The following LPIN2 variants were observed in gnomAD, a reference collection of about 807,000 sequenced individuals.
LPIN2 encodes the protein lipin 2.
Under a neutral mutation model 111.4 loss-of-function variants are expected in LPIN2, and 55 were observed. The ratio of observed to expected loss-of-function variants is 0.49; its 90% CI spans 0.40 to 0.62. The LOEUF (loss-of-function observed/expected upper bound fraction) is 0.62, where lower values mean the gene tolerates loss of function less well. Among genes scored for constraint, LPIN2 ranks in the 20% least tolerant of loss-of-function variants. The probability of loss-of-function intolerance (pLI) is 0.00; values close to 1 mark genes in which losing one functional copy is unlikely to be tolerated. For synonymous variants in LPIN2, 425 were observed against 414.0 expected (o/e 1.03, Z -0.32); for missense variants, 992 against 1,112.1 (o/e 0.89, Z 1.54).
intron 1 of LPIN2, among the ~76,000 whole-genome samples, chr18:2,967,294 CAA>C (rs1326766896): frequency 1.3e-5 from 2 of 151,286 alleles, no homozygotes; most frequent in Non-Finnish European, 2.9e-5. Flanking sequence ...TCCCTGAGGG[CAA>C]AAAAAATCTG....
chr18:2,944,811 A>G (rs148100833), intron 4 of LPIN2, among the ~76,000 whole-genome samples: 3,671 of 152,286 alleles, frequency 0.024, 94 homozygotes, highest in Admixed American at 0.092. Context: ...AATATTCAGG[A>G]AAGAGGTTTT....
intron 1 of LPIN2, among the ~76,000 whole-genome samples, chr18:2,966,697 G>A (rs1294988125): frequency 6.6e-6 from 1 of 152,144 alleles, no homozygotes; most frequent in Non-Finnish European, 1.5e-5. Context: ...ACTTAAAGAT[G>A]AAATGATTAC....
intron 1 of LPIN2, among the ~76,000 whole-genome samples, chr18:3,010,236 G>A (rs1250760668): frequency 2.0e-5 from 3 of 148,484 alleles, no homozygotes; most frequent in East Asian, 4.1e-4. Context: ...CAGGGGAGGT[G>A]GATTCCAAAA....
At chr18:2,938,954 G>A (rs79133417) in intron 6 of LPIN2, among the ~76,000 whole-genome samples, 3,310 of 152,306 alleles carry the variant, frequency 0.022, 125 homozygotes, top group African/African-American at 0.075. Flanking sequence ...AGGAGTTTGC[G>A]ATCAGGCCAA....
chr18:2,949,541 C>T (rs185074492), intron 4 of LPIN2, among the ~76,000 whole-genome samples: 2 of 151,876 alleles, frequency 1.3e-5, no homozygotes, highest in South Asian at 2.1e-4. Flanking sequence ...ACATATTCAG[C>T]GTGGGAGGAG....
At chr18:2,976,345 T>C (rs1357013115) in intron 1 of LPIN2, among the ~76,000 whole-genome samples, 1 of 152,130 alleles carries the variant, frequency 6.6e-6, no homozygotes, top group East Asian at 1.9e-4. Flanking sequence ...AGCTACTAAA[T>C]TAACAAGCAC....
intron 1 of LPIN2, among the ~76,000 whole-genome samples, chr18:3,007,978 A>G (rs936415755): frequency 3.3e-5 from 5 of 152,236 alleles, no homozygotes; most frequent in African/African-American, 1.2e-4. Context: ...GTCATATCAT[A>G]ATGCACTGAA....
At chr18:2,953,334 T>C (rs2077565330) in intron 3 of LPIN2, among the ~76,000 whole-genome samples, 1 of 152,118 alleles carries the variant, frequency 6.6e-6, no homozygotes, top group African/African-American at 2.4e-5. Context: ...TAAATAATTT[T>C]AAGAAACATA....
chr18:2,921,591 T>C lies in LPIN2; in HGVS notation c.2384A>G (p.Lys795Arg). 1 of 1,614,206 alleles carries C rather than the reference T, an allele frequency of 6.2e-7. No homozygotes were observed. The highest frequency in any genetic ancestry group is 8.5e-7 in the Non-Finnish European group (1 of 1,180,030). The change falls in exon 18 of 20, where the codon AAG becomes AGG. Residue 795 changes from lysine (K) to arginine (R), a missense_variant. Lys to Arg is a conservative substitution (Grantham distance 26). Coordinates refer to ENST00000677752, the MANE Select transcript of LPIN2 (RefSeq NM_001375808.2). ...KFKIECLNDI[K>R]NLFAPSKQPF... Reference sequence around the variant, plus strand: ...CTGCTTAGACGGGGCAAACAGATTCTTGATATCATTTAGACACTCAATTTT... The same window carrying C: ...CTGCTTAGACGGGGCAAACAGATTCCTGATATCATTTAGACACTCAATTTT...
chr18:3,007,345 G>C (rs1293010110), intron 1 of LPIN2, among the ~76,000 whole-genome samples: 1 of 152,106 alleles, frequency 6.6e-6, no homozygotes, highest in Non-Finnish European at 1.5e-5. Context: ...CTAATTTTTT[G>C]TATTTTTAGT....
intron 2 of LPIN2, among the ~76,000 whole-genome samples, chr18:2,956,531 G>T (rs1223290864): frequency 6.6e-6 from 1 of 152,174 alleles, no homozygotes; most frequent in African/African-American, 2.4e-5. Context: ...GCTTCTTCTG[G>T]AACACCTTCT....
At chr18:2,998,810 A>G (rs2078384675) in intron 1 of LPIN2, among the ~76,000 whole-genome samples, 1 of 152,204 alleles carries the variant, frequency 6.6e-6, no homozygotes, top group South Asian at 2.1e-4. Context: ...CAGGATATAG[A>G]TACGGTTTAC....
chr18:2,952,836 G>A (rs1005811191), intron 3 of LPIN2, among the ~76,000 whole-genome samples: 1 of 152,160 alleles, frequency 6.6e-6, no homozygotes, highest in African/African-American at 2.4e-5. Context: ...ACAAACTATG[G>A]TATGTCCATA....
rs1232642116 is a variant in LPIN2 at position 2,937,834 on chromosome 18, C to A, written c.1026G>T (p.Val342=). The change falls in exon 7 of 20, where the codon GTG becomes GTT. Residue 342 remains valine (V), a synonymous_variant. Transcript: ENST00000677752. ...CAAGAGGAGGTTCGAGAAGCTCTGC[C>A]ACAGATGTTGGGTCGCTCATCTGTG... ...LGTQMSDPTS[V]AELLEPPLES... 3.1e-6 allele frequency: 5 copies of A among 1,613,972 alleles called. No homozygotes were observed. Among genetic ancestry groups the A allele is most frequent in the Non-Finnish European group, 3.4e-6 (4 of 1,180,030 alleles).
intron 12 of LPIN2, 51 bp downstream of exon 12, chr18:2,927,671 A>T: frequency 6.3e-7 from 1 of 1,587,866 alleles, no homozygotes; most frequent in Non-Finnish European, 8.6e-7. Flanking sequence ...TGAATAAATG[A>T]AAGATTCATT....
At chr18:2,974,045 A>G (rs1485963021) in intron 1 of LPIN2, among the ~76,000 whole-genome samples, 1 of 152,184 alleles carries the variant, frequency 6.6e-6, no homozygotes, top group African/African-American at 2.4e-5. Flanking sequence ...GATTGCTAAG[A>G]TATCTTTTTA....
intron 1 of LPIN2, among the ~76,000 whole-genome samples, chr18:2,961,781 C>A (rs1441144333): frequency 6.6e-6 from 1 of 152,108 alleles, no homozygotes; most frequent in East Asian, 1.9e-4. Context: ...AATATTATGC[C>A]AAAGCACAAT....
intron 6 of LPIN2, among the ~76,000 whole-genome samples, chr18:2,938,814 C>T (rs1038421531): frequency 6.6e-6 from 1 of 152,156 alleles, no homozygotes; most frequent in Non-Finnish European, 1.5e-5. Flanking sequence ...GTTCTTTCTT[C>T]TTTCATTATG....
Position 2,931,302 on chromosome 18 carries a change from G to A in LPIN2, c.1410C>T (p.Thr470=), listed in dbSNP as rs35932462. The A allele has an allele frequency of 2.5e-4, 407 of 1,614,192 alleles. No homozygotes were observed. The African/African-American group carries it at 4.8e-3, about 19-fold the overall frequency. ...SDSAMDLPDV[T]LSLCGGLSEN... ...CACTGAGGCCCCCGCAAAGGGAGAGGGTAACGTCAGGCAAGTCCATGGCAG... is the reference window on the plus strand; with the variant it reads ...CACTGAGGCCCCCGCAAAGGGAGAGAGTAACGTCAGGCAAGTCCATGGCAG... Residue 470 remains threonine, a synonymous_variant, in exon 9 of 20, where the codon ACC becomes ACT. Transcript: ENST00000677752.
Sources: allele counts gnomAD v4.1 joint callset (sites outside exome capture counted in the v4.1 genomes callset), GRCh38; gene constraint gnomAD v4.1.1; transcripts MANE v1.5; gene names NCBI Gene and HGNC (gene_info 2026-07-23, HGNC 2026-07-21).